FGF12: variants seen among roughly 807,000 people sequenced by gnomAD.
FGF12 encodes fibroblast growth factor 12.
In FGF12, 14 loss-of-function variants were observed where a neutral mutation model predicts 23.6. That is an observed-to-expected ratio of 0.59 (90% confidence interval 0.39 to 0.93). The LOEUF is 0.93. Ranked by LOEUF, FGF12 falls within the 40% of genes least tolerant of loss-of-function variation. The pLI is 0.00. For synonymous variants in FGF12, 62 were observed against 77.3 expected (o/e 0.80, Z 1.04); for missense variants, 175 against 217.8 (o/e 0.80, Z 1.24).
chr3:192,646,025 C>A (rs1715994043), intron 2 of FGF12, among the ~76,000 whole-genome samples: 1 of 151,966 alleles, frequency 6.6e-6, no homozygotes, highest in African/African-American at 2.4e-5. Flanking sequence ...AAAGGGTTAG[C>A]TAAGAAAAAT....
At chr3:192,677,593 A>G (rs2108703157) in intron 2 of FGF12, among the ~76,000 whole-genome samples, 1 of 152,350 alleles carries the variant, frequency 6.6e-6, no homozygotes, top group South Asian at 2.1e-4. Flanking sequence ...AAAGAATAGA[A>G]ACTCTAAAAT....
intron 4 of FGF12, among the ~76,000 whole-genome samples, chr3:192,186,422 A>G (rs906909644): frequency 1.3e-5 from 2 of 152,226 alleles, no homozygotes; most frequent in Non-Finnish European, 2.9e-5. Flanking sequence ...TGACATGTAC[A>G]TGATTTATTC....
intron 2 of FGF12, among the ~76,000 whole-genome samples, chr3:192,490,721 A>G (rs1723777447): frequency 6.6e-6 from 1 of 152,156 alleles, no homozygotes; most frequent in Non-Finnish European, 1.5e-5. Flanking sequence ...AATTGCAACT[A>G]TAGCCACATG....
At chr3:192,447,736 C>A (rs1275704343) in intron 2 of FGF12, among the ~76,000 whole-genome samples, 2 of 152,128 alleles carry the variant, frequency 1.3e-5, no homozygotes, top group Non-Finnish European at 2.9e-5. Context: ...TTTTTAAAAA[C>A]TTAAGTTTTA....
At chr3:192,192,613 T>C (rs1457205645) in intron 4 of FGF12, among the ~76,000 whole-genome samples, 1 of 151,704 alleles carries the variant, frequency 6.6e-6, no homozygotes, top group African/African-American at 2.4e-5. Context: ...CTCTCCACAC[T>C]TTTATTATGC....
chr3:192,195,020 C>T (rs994461808), intron 4 of FGF12, among the ~76,000 whole-genome samples: 2 of 152,180 alleles, frequency 1.3e-5, no homozygotes, highest in African/African-American at 4.8e-5. Flanking sequence ...AAAAGCATCT[C>T]CACCAAGTAT....
At chr3:192,483,606 G>A (rs2108820786) in intron 2 of FGF12, among the ~76,000 whole-genome samples, 1 of 152,252 alleles carries the variant, frequency 6.6e-6, no homozygotes, top group South Asian at 2.1e-4. Context: ...GGGAATTCGT[G>A]TTACAAGCTA....
At chr3:192,283,825 C>CA (rs1322094271) in intron 4 of FGF12, among the ~76,000 whole-genome samples, 2 of 152,058 alleles carry the variant, frequency 1.3e-5, no homozygotes, top group Non-Finnish European at 2.9e-5. Context: ...TGAATAGTGA[C>CA]AAAGAATTCC....
chr3:192,202,030 TTTG>T (rs1486242258), intron 4 of FGF12, among the ~76,000 whole-genome samples: 1 of 152,222 alleles, frequency 6.6e-6, no homozygotes, highest in Non-Finnish European at 1.5e-5. Flanking sequence ...CCAAATTGAC[TTTG>T]AACAATTTAT....
chr3:192,537,950 C>CTTTTTTGTTTTTTTTTTTTTTTTTTT (rs1725267932), intron 2 of FGF12, among the ~76,000 whole-genome samples: 1 of 121,374 alleles, frequency 8.2e-6, no homozygotes, highest in Non-Finnish European at 1.8e-5. Flanking sequence ...AGCCTTTAAC[C>CTTTTTTGTTTTTTTTTTTTTTTTTTT]TTTTTTTTTT....
chr3:192,502,581 T>A (rs1336177423), intron 2 of FGF12, among the ~76,000 whole-genome samples: 1 of 152,232 alleles, frequency 6.6e-6, no homozygotes, highest in Non-Finnish European at 1.5e-5. Context: ...GATTACTTTT[T>A]CTGGACCAGG....
intron 2 of FGF12, among the ~76,000 whole-genome samples, chr3:192,432,627 A>G (rs1721894246): frequency 6.8e-6 from 1 of 147,408 alleles, no homozygotes; most frequent in South Asian, 2.1e-4. Context: ...TGGCAAAAAA[A>G]AAAAAAAAAA....
intron 4 of FGF12, among the ~76,000 whole-genome samples, chr3:192,299,768 A>G (rs1177865193): frequency 1.3e-5 from 2 of 152,184 alleles, no homozygotes; most frequent in East Asian, 3.8e-4. Context: ...TATGAGGAGA[A>G]CGACTGGAAT....
chr3:192,624,660 T>C (rs1378197344), intron 2 of FGF12, among the ~76,000 whole-genome samples: 1 of 152,188 alleles, frequency 6.6e-6, no homozygotes, highest in East Asian at 1.9e-4. Context: ...TAAAGGACTA[T>C]ATTAGGAAAA....
chr3:192,314,321 T>A (rs1716117834), intron 4 of FGF12, among the ~76,000 whole-genome samples: 1 of 152,128 alleles, frequency 6.6e-6, no homozygotes, highest in Admixed American at 6.6e-5. Context: ...AAAAGAGGCA[T>A]TACCCTGTTT....
intron 4 of FGF12, among the ~76,000 whole-genome samples, chr3:192,326,289 T>C (rs921282895): frequency 4.7e-4 from 72 of 152,188 alleles, no homozygotes; most frequent in African/African-American, 1.6e-3. Flanking sequence ...ATTGGGAAAA[T>C]GTTTACTGGG....
intron 4 of FGF12, chr3:192,283,034 G>C (rs1714241136): frequency 6.6e-6 from 1 of 152,086 alleles, no homozygotes; most frequent in Non-Finnish European, 1.5e-5. Context: ...AAGAAATGCT[G>C]TATGTGAGGG....
chr3:192,526,036 T>C (rs987914609), intron 2 of FGF12, among the ~76,000 whole-genome samples: 6 of 152,196 alleles, frequency 3.9e-5, no homozygotes, highest in Non-Finnish European at 7.3e-5. Context: ...CCTCCCAAAG[T>C]GCTGGGATTA....
chr3:192,691,437 C>T (rs546695688), intron 2 of FGF12, among the ~76,000 whole-genome samples: 5 of 151,854 alleles, frequency 3.3e-5, no homozygotes, highest in South Asian at 4.2e-4. Context: ...TCTAAACAAC[C>T]GATGAGTCAA....
Sources: allele counts gnomAD v4.1 joint callset (sites outside exome capture counted in the v4.1 genomes callset), GRCh38; gene constraint gnomAD v4.1.1; transcripts MANE v1.5; gene names NCBI Gene and HGNC (gene_info 2026-07-23, HGNC 2026-07-21).